Variants in LPP observed in about 807,000 individuals in gnomAD.
LPP encodes lipoma-preferred partner.
LPP carries 38 observed loss-of-function variants against 60.4 expected under a neutral mutation model. That is an observed-to-expected ratio of 0.63 (90% confidence interval 0.49 to 0.83). The LOEUF is 0.83. Ranked by LOEUF, LPP falls within the 40% of genes least tolerant of loss-of-function variation. LPP has a pLI of 0.00. For synonymous variants in LPP, 328 were observed against 290.8 expected (o/e 1.13, Z -1.30); for missense variants, 902 against 783.6 (o/e 1.15, Z -1.80).
At chr3:188,693,612 G>A (rs1346645023) in intron 7 of LPP, among the ~76,000 whole-genome samples, 1 of 152,096 alleles carries the variant, frequency 6.6e-6, no homozygotes, top group Non-Finnish European at 1.5e-5. Context: ...GTTTGTCGAG[G>A]AAAAGGAAAC....
At chr3:188,253,208 T>C (rs995544116) in intron 2 of LPP, among the ~76,000 whole-genome samples, 1 of 152,142 alleles carries the variant, frequency 6.6e-6, no homozygotes, top group Non-Finnish European at 1.5e-5. Flanking sequence ...ATCTTTTGAC[T>C]TTGATTACAG....
intron 1 of LPP, among the ~76,000 whole-genome samples, chr3:188,166,229 A>G (rs992603396): frequency 8.6e-5 from 13 of 151,848 alleles, no homozygotes; most frequent in African/African-American, 2.9e-4. Context: ...AAAGAGACTT[A>G]TAACAGTCTT....
intron 1 of LPP, among the ~76,000 whole-genome samples, chr3:188,193,435 G>A (rs1437287166): frequency 1.3e-5 from 2 of 152,212 alleles, no homozygotes; most frequent in Non-Finnish European, 2.9e-5. Context: ...ACTGTACAAG[G>A]TTATTGGAAA....
intron 5 of LPP, among the ~76,000 whole-genome samples, chr3:188,513,610 G>T (rs1019497047): frequency 1.3e-5 from 2 of 151,726 alleles, no homozygotes; most frequent in African/African-American, 2.4e-5. Flanking sequence ...ATTGTAAGGG[G>T]TTACTTTAAA....
At chr3:188,491,452 A>G (rs1019787978) in intron 5 of LPP, among the ~76,000 whole-genome samples, 1 of 152,234 alleles carries the variant, frequency 6.6e-6, no homozygotes, top group African/African-American at 2.4e-5. Context: ...AACATACCAA[A>G]GAGATGATTG....
chr3:188,605,847 G>A (rs1486584860), intron 6 of LPP, among the ~76,000 whole-genome samples: 1 of 152,108 alleles, frequency 6.6e-6, no homozygotes, highest in Non-Finnish European at 1.5e-5. Flanking sequence ...AATTCCCAGG[G>A]ACATTTGGTT....
chr3:188,591,733 T>C (rs1050996804), intron 6 of LPP, among the ~76,000 whole-genome samples: 6 of 152,330 alleles, frequency 3.9e-5, no homozygotes, highest in Admixed American at 6.5e-5. Context: ...CCTCACAGTC[T>C]ACCTGATACA....
intron 3 of LPP, among the ~76,000 whole-genome samples, chr3:188,393,169 CT>C (rs147208732): frequency 0.01 from 1,554 of 151,636 alleles, 29 homozygotes; most frequent in African/African-American, 0.036. Flanking sequence ...AGTAAACACT[CT>C]TGATTTATTT....
At chr3:188,302,318 G>A (rs564382278) in intron 2 of LPP, among the ~76,000 whole-genome samples, 21 of 152,146 alleles carry the variant, frequency 1.4e-4, no homozygotes, top group Non-Finnish European at 2.8e-4. Context: ...AGACTTGTTT[G>A]AATCTAAAAC....
At chr3:188,163,703 A>C (rs1239890712) in intron 1 of LPP, among the ~76,000 whole-genome samples, 2 of 151,284 alleles carry the variant, frequency 1.3e-5, no homozygotes, top group Non-Finnish European at 2.9e-5. Context: ...GCACTTTGGG[A>C]GACTGAGTTG....
At chr3:188,691,978 A>G (rs1369546061) in intron 7 of LPP, among the ~76,000 whole-genome samples, 2 of 152,234 alleles carry the variant, frequency 1.3e-5, no homozygotes, top group African/African-American at 4.8e-5. Flanking sequence ...AGCACATAAA[A>G]AAAAAACCAC....
At chr3:188,172,066 G>A (rs182640800) in intron 1 of LPP, among the ~76,000 whole-genome samples, 12 of 152,344 alleles carry the variant, frequency 7.9e-5, no homozygotes, top group African/African-American at 2.6e-4. Context: ...TAACCTCGGC[G>A]AGGTTTGGTT....
chr3:188,406,199 C>G lies in LPP; in HGVS notation c.79C>G (p.His27Asp). The stretch of plus-strand genomic sequence containing the variant: ...TGTGCCTGCACGGATGGAGACCACC[C>G]ATTCCTTTGGGAACCCCAGCATTTC... ...GHVPARMETT[H>D]SFGNPSISVS... Residue 27 changes from histidine (H) to aspartate (D), a missense_variant, in exon 4 of 12, where the codon CAT (histidine) becomes GAT (aspartate). Transcript: ENST00000617246. 6.2e-7 allele frequency: 1 copy of G among 1,614,176 alleles called. No homozygotes were observed.
chr3:188,390,126 C>T (rs1277938707), intron 3 of LPP, among the ~76,000 whole-genome samples: 2 of 152,098 alleles, frequency 1.3e-5, no homozygotes, highest in East Asian at 1.9e-4. Flanking sequence ...GCTGTGTCTC[C>T]GTGTCTTTGG....
intron 2 of LPP, among the ~76,000 whole-genome samples, chr3:188,240,697 A>G (rs146435313): frequency 1.3e-5 from 2 of 152,318 alleles, no homozygotes; most frequent in African/African-American, 4.8e-5. Context: ...CAGGTGGGAT[A>G]ACACATCAAC....
At chr3:188,679,463 T>G (rs1295387476) in intron 7 of LPP, among the ~76,000 whole-genome samples, 1 of 151,888 alleles carries the variant, frequency 6.6e-6, no homozygotes, top group Non-Finnish European at 1.5e-5. Context: ...GCCAAGCAAA[T>G]GAGCATTTTA....
chr3:188,341,411 A>G (rs918202967), intron 2 of LPP, among the ~76,000 whole-genome samples: 2 of 152,220 alleles, frequency 1.3e-5, no homozygotes, highest in Non-Finnish European at 1.5e-5. Context: ...CTGTAAAGTT[A>G]ATCATGAGGA....
intron 7 of LPP, among the ~76,000 whole-genome samples, chr3:188,697,198 C>T (rs1174998605): frequency 6.6e-6 from 1 of 152,206 alleles, no homozygotes; most frequent in African/African-American, 2.4e-5. Flanking sequence ...GAACAAAACA[C>T]ATGCCCTTTC....
At chr3:188,840,973 G>A (rs2151731192) in intron 9 of LPP, among the ~76,000 whole-genome samples, 1 of 152,260 alleles carries the variant, frequency 6.6e-6, no homozygotes, top group South Asian at 2.1e-4. Flanking sequence ...ATGCTACTCT[G>A]TTTAGAACTC....
Sources: gnomAD v4.1 joint callset for allele counts (sites outside exome capture counted in the v4.1 genomes callset) on GRCh38, gnomAD v4.1.1 for gene constraint, MANE v1.5 for transcripts, NCBI Gene and HGNC (gene_info 2026-07-23, HGNC 2026-07-21) for gene names.